The following ZPLD1 variants were observed in gnomAD, a reference collection of about 807,000 sequenced individuals.
ZPLD1 encodes the protein zona pellucida like domain containing 1, also known as zona pellucida-like domain-containing protein 1.
ZPLD1 carries 34 observed loss-of-function variants against 47.2 expected under a neutral mutation model. That is an observed-to-expected ratio of 0.72 (90% CI 0.55 to 0.96). ZPLD1 has a LOEUF of 0.96. Among genes scored for constraint, ZPLD1 ranks in the 40% least tolerant of loss-of-function variants. The probability of loss-of-function intolerance (pLI) is 0.00; values close to 1 mark genes in which losing one functional copy is unlikely to be tolerated. For synonymous variants in ZPLD1, 176 were observed against 186.2 expected, an observed-to-expected ratio of 0.95 and a Z score of 0.45; for missense variants, 512 against 505.8, an observed-to-expected ratio of 1.01 and a Z score of -0.12.
chr3:102,427,722 C>T (rs1231361909), intron 8 of ZPLD1, among the ~76,000 whole-genome samples: 1 of 152,150 alleles, frequency 6.6e-6, no homozygotes, highest in Non-Finnish European at 1.5e-5. Context: ...AACCAGAGCC[C>T]AAACCTACAG....
intron 7 of ZPLD1, among the ~76,000 whole-genome samples, chr3:102,403,450 A>C (rs937280019): frequency 3.3e-5 from 5 of 151,990 alleles, no homozygotes; most frequent in Non-Finnish European, 7.4e-5. Flanking sequence ...TTGGTGGAGA[A>C]AGAATCAGTG....
At chr3:102,421,033 A>G (rs1706871570) in intron 8 of ZPLD1, among the ~76,000 whole-genome samples, 1 of 151,954 alleles carries the variant, frequency 6.6e-6, no homozygotes, top group Non-Finnish European at 1.5e-5. Context: ...TTGTAAAGTT[A>G]GGATTCTCTA....
chr3:102,410,876 A>C (rs2107298853), intron 7 of ZPLD1, among the ~76,000 whole-genome samples: 1 of 151,934 alleles, frequency 6.6e-6, no homozygotes, highest in Middle Eastern at 3.4e-3. Context: ...TGGTCAGATA[A>C]AAATTCCAAC....
chr3:102,424,896 A>G (rs1478389338), intron 8 of ZPLD1, among the ~76,000 whole-genome samples: 1 of 152,204 alleles, frequency 6.6e-6, no homozygotes, highest in South Asian at 2.1e-4. Context: ...GTTGCAAATT[A>G]TTGTTCTAAT....
rs751896109 is a variant in ZPLD1 at position 102,453,003 on chromosome 3, C to G, written c.191C>G (p.Ser64Trp). 2.5e-6 allele frequency: 4 copies of G among 1,613,922 alleles called. No homozygotes were observed. The highest frequency in any genetic ancestry group is 3.4e-6 in the Non-Finnish European group (4 of 1,179,992). ...NFCTVLFSGY[S>W]ETDLALNGRH... Reference sequence around the variant, plus strand: ...TGCACGGTACTTTTCTCGGGTTATTCGGAAACAGATCTGGCACTGAATGGA... The same window carrying G: ...TGCACGGTACTTTTCTCGGGTTATTGGGAAACAGATCTGGCACTGAATGGA... The change falls in exon 4 of 12, where the codon TCG becomes TGG. Residue 64 changes from serine (S) to tryptophan (W), a missense_variant. Physicochemically the swap from Ser to Trp is radical, Grantham distance 177. Coordinates refer to ENST00000466937, the MANE Select transcript of ZPLD1 (RefSeq NM_001329788.2).
intron 8 of ZPLD1, among the ~76,000 whole-genome samples, chr3:102,421,721 C>A (rs1372212140): frequency 1.3e-5 from 2 of 151,532 alleles, no homozygotes; most frequent in Non-Finnish European, 3.0e-5. Context: ...AATTACAGGG[C>A]ATAAAAAGTA....
chr3:102,404,134 G>T (rs1706655081), intron 7 of ZPLD1, among the ~76,000 whole-genome samples: 1 of 151,892 alleles, frequency 6.6e-6, no homozygotes, highest in African/African-American at 2.4e-5. Context: ...CAATAAGAGT[G>T]CTCCTTATTT....
At chr3:102,429,616 T>C (rs1300597712) in intron 8 of ZPLD1, among the ~76,000 whole-genome samples, 1 of 152,200 alleles carries the variant, frequency 6.6e-6, no homozygotes, top group Non-Finnish European at 1.5e-5. Flanking sequence ...GATGCTCTTA[T>C]GAATTAATTG....
Position 102,477,423 on chromosome 3 carries a change from G to A in ZPLD1, c.1073-20G>A, listed in dbSNP as rs769522281. 2 of 1,604,228 alleles carry A rather than the reference G, an allele frequency of 1.2e-6. No homozygotes were observed. Among genetic ancestry groups the A allele is most frequent in the East Asian group, 2.2e-5 (1 of 44,840 alleles). On this transcript the variant is annotated intron_variant, in intron 11 of 11. Transcript: ENST00000466937. ...TATTATATGGGGCCTTTACAACCGG[G>A]TGTGTTTTATTATTTGCAGGTTCTC... is the stretch of plus-strand genomic sequence containing the variant.
rs755138135 is a variant in ZPLD1, at chr3:102,438,597, A to C, written c.106+4A>C. ...AACCTCCACAGTAGATTTCCTGGTA[A>C]GTGTAAGCCTAATCTATTCTCTAGT... On this transcript the variant is annotated splice_donor_region_variant and intron_variant, in intron 3 of 11. Coordinates refer to ENST00000466937, the MANE Select transcript of ZPLD1 (RefSeq NM_001329788.2). 1 of 1,601,632 alleles carries C rather than the reference A, an allele frequency of 6.2e-7. No homozygotes were observed. The highest frequency in any genetic ancestry group is 1.7e-5 in the Admixed American group (1 of 59,942).
At chr3:102,453,644 G>T (rs1214848239) in intron 4 of ZPLD1, among the ~76,000 whole-genome samples, 1 of 152,106 alleles carries the variant, frequency 6.6e-6, no homozygotes, top group South Asian at 2.1e-4. Flanking sequence ...CAGTATTTCT[G>T]GTATAATATT....
At chr3:102,425,733 G>A (rs1432592261) in intron 8 of ZPLD1, among the ~76,000 whole-genome samples, 6 of 151,982 alleles carry the variant, frequency 3.9e-5, no homozygotes, top group South Asian at 4.2e-4. Flanking sequence ...CATCTCATCC[G>A]GGACACAAAA....
intron 4 of ZPLD1, 28 bp from the exon 5 acceptor site, chr3:102,456,165 C>A: frequency 1.3e-6 from 2 of 1,592,066 alleles, no homozygotes; most frequent in South Asian, 1.2e-5. Flanking sequence ...GCCATTTAAT[C>A]ATTAAACTGC....
chr3:102,455,461 G>A (rs897671889), intron 4 of ZPLD1, among the ~76,000 whole-genome samples: 1 of 152,158 alleles, frequency 6.6e-6, no homozygotes, highest in Admixed American at 6.5e-5. Flanking sequence ...ATAAGCTATT[G>A]TCCTAGAAGT....
chr3:102,477,383 T>G (rs537984834), intron 11 of ZPLD1, 60 bp from the exon 12 acceptor site: 13 of 1,546,214 alleles, frequency 8.4e-6, no homozygotes, highest in African/African-American at 8.3e-5. Flanking sequence ...TAAAATTGGG[T>G]CAAGGTGAGA....
intron 5 of ZPLD1, among the ~76,000 whole-genome samples, chr3:102,456,582 T>TATC (rs1553712732): frequency 3.5e-5 from 5 of 141,030 alleles, no homozygotes; most frequent in African/African-American, 7.6e-5. Context: ...TCTATCTATC[T>TATC]ATCTATCTAT....
intron 7 of ZPLD1, among the ~76,000 whole-genome samples, chr3:102,400,350 G>A (rs766823286): frequency 6.6e-6 from 1 of 151,992 alleles, no homozygotes; most frequent in Non-Finnish European, 1.5e-5. Context: ...ATTTCCTGTC[G>A]CTAACTAAAG....
At chr3:102,459,934 G>A (rs1024534732) in intron 6 of ZPLD1, among the ~76,000 whole-genome samples, 2 of 151,960 alleles carry the variant, frequency 1.3e-5, no homozygotes, top group African/African-American at 2.4e-5. Flanking sequence ...ATATAAAGTG[G>A]CATTTGCTCA....
At position 102,457,818 on chromosome 3, in the gene ZPLD1, A is replaced by G. The variant is rs1445325918; in HGVS notation, c.547A>G (p.Thr183Ala). ...TATTTCTGTGAGAGAGAACAATGGCACATTTGTCAGCACTTTGAACCTGCT... is the reference window on the plus strand; with the variant it reads ...TATTTCTGTGAGAGAGAACAATGGCGCATTTGTCAGCACTTTGAACCTGCT... Reference protein sequence around the residue: ...AAISVRENNGTFVSTLNLLLY... With the variant: ...AAISVRENNGAFVSTLNLLLY... The change falls in exon 6 of 12, where the codon ACA (threonine) becomes GCA (alanine). Residue 183 changes from threonine (T) to alanine (A), a missense_variant. Transcript: ENST00000466937. 3 of 1,613,862 alleles carry G rather than the reference A, an allele frequency of 1.9e-6. No homozygotes were observed. The highest frequency in any genetic ancestry group is 2.5e-6 in the Non-Finnish European group (3 of 1,179,956).
Sources: allele counts gnomAD v4.1 joint callset (sites outside exome capture counted in the v4.1 genomes callset), GRCh38; gene constraint gnomAD v4.1.1; transcripts MANE v1.5; gene names NCBI Gene and HGNC (gene_info 2026-07-23, HGNC 2026-07-21).